GATAD2B: variants seen among roughly 807,000 people sequenced by gnomAD.
The protein encoded by GATAD2B is GATA zinc finger domain containing 2B.
GATAD2B carries 8 observed loss-of-function variants against 64.3 expected under a neutral mutation model. The ratio of observed to expected loss-of-function variants is 0.12; its 90% CI spans 0.07 to 0.22. The LOEUF (loss-of-function observed/expected upper bound fraction) is 0.22. GATAD2B is among the 10% of genes least tolerant of loss of function. The pLI, the probability that GATAD2B is intolerant of heterozygous loss-of-function variation, is 1.00. For synonymous variants in GATAD2B, 281 were observed against 271.3 expected, an observed-to-expected ratio of 1.04 and a Z score of -0.35; for missense variants, 453 against 752.0, an observed-to-expected ratio of 0.60 and a Z score of 4.65.
chr1:153,877,013 C>A (rs1028662947), intron 1 of GATAD2B, among the ~76,000 whole-genome samples: 5 of 151,628 alleles, frequency 3.3e-5, no homozygotes, highest in African/African-American at 1.2e-4. Flanking sequence ...GAGACTCCGC[C>A]TCAAAAAAGA....
intron 1 of GATAD2B, among the ~76,000 whole-genome samples, chr1:153,912,867 C>T (rs969465780): frequency 2.6e-5 from 4 of 152,002 alleles, no homozygotes; most frequent in Admixed American, 6.6e-5. Flanking sequence ...TCGAGGCAGG[C>T]GGATCACCTG....
chr1:153,816,674 C>A lies in GATAD2B; in HGVS notation c.901-86G>T, dbSNP rs78740769. The A allele has an allele frequency of 0.039, 33,832 of 871,446 alleles. 898 individuals carry two copies. The highest frequency in any genetic ancestry group is 0.096 in the Middle Eastern group (416 of 4,352). 54.0% of individuals were successfully genotyped at this position (871,446 alleles called of 1,614,324 possible). A position where few individuals can be genotyped will look rare whatever the true frequency, so the allele number is the denominator to read the frequency against. On this transcript the variant is annotated intron_variant, in intron 6 of 10. Coordinates refer to ENST00000368655, the MANE Select transcript of GATAD2B (RefSeq NM_020699.4). This position sits in a 1 kb window ranked among gnomAD's most constrained non-coding sequence, Gnocchi z 4.9. ...TTCTTGGCAGAGGACACTGTCTGAT[C>A]CTGGTTTGGACTACTTAGCTTCTCC...
At chr1:153,868,510 G>C (rs979997399) in intron 1 of GATAD2B, among the ~76,000 whole-genome samples, 2 of 151,848 alleles carry the variant, frequency 1.3e-5, no homozygotes, top group Non-Finnish European at 2.9e-5. Context: ...GAAGGTAGGA[G>C]TTCTTTTTTA....
chr1:153,871,218 C>A (rs546173133), intron 1 of GATAD2B, among the ~76,000 whole-genome samples: 2 of 151,874 alleles, frequency 1.3e-5, no homozygotes, highest in South Asian at 4.2e-4. Flanking sequence ...AGGTGAGCAC[C>A]ACCATGCCCG....
chr1:153,811,952 A>G, intron 9 of GATAD2B, 70 bp downstream of exon 9: 6 of 1,295,474 alleles, frequency 4.6e-6, no homozygotes, highest in Non-Finnish European at 6.7e-6. Context: ...CCCACAATAG[A>G]AAGGACAAAT....
At chr1:153,838,588 G>GC (rs1454322061) in intron 1 of GATAD2B, among the ~76,000 whole-genome samples, 1 of 151,928 alleles carries the variant, frequency 6.6e-6, no homozygotes, top group African/African-American at 2.4e-5. Context: ...TGAAGCCTGG[G>GC]CCCCCGGGTT....
intron 1 of GATAD2B, chr1:153,889,676 A>G (rs1298353430): frequency 4.8e-6 from 4 of 834,258 alleles, no homozygotes; most frequent in Non-Finnish European, 1.4e-6. Context: ...AAATACACTC[A>G]CATGTTACTT....
intron 1 of GATAD2B, chr1:153,853,027 A>C (rs1315173862): frequency 7.0e-7 from 1 of 1,424,490 alleles, no homozygotes; most frequent in African/African-American, 1.4e-5. Flanking sequence ...CCCTGTGATG[A>C]ATCCTTGGCC....
intron 1 of GATAD2B, among the ~76,000 whole-genome samples, chr1:153,893,164 AT>A (rs1294391282): frequency 6.6e-6 from 1 of 152,172 alleles, no homozygotes; most frequent in Admixed American, 6.6e-5. Context: ...ATTAGCATTG[AT>A]GAGCACATGG....
At chr1:153,852,484 G>A (rs574474462) in intron 1 of GATAD2B, 45 of 759,988 alleles carry the variant, frequency 5.9e-5, no homozygotes, top group African/African-American at 5.8e-4. Context: ...GCAAGAGTAC[G>A]TGACTCGATG....
At chr1:153,849,917 C>G (rs1355632668) in intron 1 of GATAD2B, among the ~76,000 whole-genome samples, 2 of 152,192 alleles carry the variant, frequency 1.3e-5, no homozygotes, top group Non-Finnish European at 2.9e-5. Flanking sequence ...CAGGCATGAG[C>G]TACCATGCCT....
At chr1:153,830,454 T>TTTTTA (rs71093291) in intron 1 of GATAD2B, among the ~76,000 whole-genome samples, 43,876 of 133,042 alleles carry the variant, frequency 0.33, 9,701 homozygotes, top group East Asian at 0.68. Context: ...CCTGTTTTTA[T>TTTTTA]TTTTATTTTA....
At chr1:153,880,196 CTCACGCCTGTAATT>C (rs1676967181) in intron 1 of GATAD2B, among the ~76,000 whole-genome samples, 1 of 151,884 alleles carries the variant, frequency 6.6e-6, no homozygotes, top group Non-Finnish European at 1.5e-5. Flanking sequence ...AGCGCAGTGG[CTCACGCCTGTAATT>C]CCAGCACCGT....
chr1:153,808,242 G>A lies in GATAD2B; in HGVS notation c.*1935C>T, dbSNP rs1674169356. ...TCACCACTGGGGGAGCCCAGACACT[G>A]GCTGCATCTCTGCTCCTTTAAGTGC... On this transcript the variant is annotated 3_prime_UTR_variant, in exon 11 of 11. Coordinates refer to ENST00000368655, the MANE Select transcript of GATAD2B (RefSeq NM_020699.4). The A allele has an allele frequency of 6.6e-6, 1 of 152,510 alleles. No individual in the cohort carries two copies. Among genetic ancestry groups the A allele is most frequent in the Non-Finnish European group, 1.5e-5 (1 of 68,018 alleles). The allele number at this position is 152,510 out of a possible 1,614,324, so 9.4% of individuals were successfully genotyped here. A position where few individuals can be genotyped will look rare whatever the true frequency, so the allele number is the denominator to read the frequency against.
intron 1 of GATAD2B, among the ~76,000 whole-genome samples, chr1:153,910,694 T>G (rs1678087918): frequency 6.6e-6 from 1 of 152,080 alleles, no homozygotes; most frequent in African/African-American, 2.4e-5. Context: ...GAGCCAAGAC[T>G]GCGCCACTGT....
Position 153,816,177 on chromosome 1 carries a change from A to AT in GATAD2B, c.1216+95dup, listed in dbSNP as rs1192283078. Reference sequence around the variant, plus strand: ...GGTTTGGTAACAGGAAGGAGAAGTTATTTAATATTGTACAGTACCCTCTGA... The same window carrying AT: ...GGTTTGGTAACAGGAAGGAGAAGTTATTTTAATATTGTACAGTACCCTCTGA... On this transcript the variant is annotated intron_variant, in intron 7 of 10. Transcript: ENST00000368655. The surrounding 1 kb of genome is among the most constrained non-coding windows in gnomAD (Gnocchi z 4.9). 1 of 779,914 alleles carries AT rather than the reference A, an allele frequency of 1.3e-6. No homozygotes were observed. The highest frequency in any genetic ancestry group is 2.1e-6 in the Non-Finnish European group (1 of 465,412). 48.3% of individuals were successfully genotyped at this position (779,914 alleles called of 1,614,324 possible).
Position 153,815,280 on chromosome 1 carries a change from C to CAAAAAAAAAAAA in GATAD2B, c.1216+981_1216+992dup, listed in dbSNP as rs1159204191. Among the ~76,000 whole-genome samples, 337 of 66,178 alleles carry CAAAAAAAAAAAA rather than the reference C, an allele frequency of 5.1e-3. 12 individuals carry two copies. Among genetic ancestry groups the CAAAAAAAAAAAA allele is most frequent in the Non-Finnish European group, 6.1e-3 (223 of 36,786 alleles). 43.4% of individuals were successfully genotyped at this position (66,178 alleles called of 152,430 possible). ...AGGGTCAGACCCTGTCTCAAAAAAA[C>CAAAAAAAAAAAA]AAAAAAAAAAAACAAAAAAAAAAAA... On this transcript the variant is annotated intron_variant, in intron 7 of 10. Coordinates refer to ENST00000368655, the MANE Select transcript of GATAD2B (RefSeq NM_020699.4).
intron 1 of GATAD2B, among the ~76,000 whole-genome samples, chr1:153,866,009 A>C (rs748697299): frequency 2.0e-5 from 3 of 152,170 alleles, no homozygotes; most frequent in Non-Finnish European, 4.4e-5. Context: ...GTTCAAGACC[A>C]GCCTGGCCAA....
At chr1:153,811,175 A>AC (rs1391590303) in intron 10 of GATAD2B, among the ~76,000 whole-genome samples, 1 of 152,118 alleles carries the variant, frequency 6.6e-6, no homozygotes, top group Non-Finnish European at 1.5e-5. Context: ...TGCTGGGATT[A>AC]CAGGTGTGAG....
Sources: gnomAD v4.1 joint callset for allele counts (sites outside exome capture counted in the v4.1 genomes callset) on GRCh38, gnomAD v4.1.1 for gene constraint, Gnocchi (gnomAD v3.1) non-coding constraint, MANE v1.5 for transcripts, NCBI Gene and HGNC (gene_info 2026-07-23, HGNC 2026-07-21) for gene names.